The following PML variants were observed in gnomAD, a reference collection of about 807,000 sequenced individuals.
PML encodes protein PML.
PML carries 28 observed loss-of-function variants against 65.2 expected under a neutral mutation model. The observed-to-expected ratio is 0.43, with a 90% confidence interval of 0.32 to 0.59. PML has a LOEUF of 0.59. PML is among the 20% of genes least tolerant of loss of function. PML has a pLI of 0.08. For missense variants in PML, 1,021 were observed against 1,203.4 expected (o/e 0.85, Z 2.24); for synonymous variants, 500 against 508.8 (o/e 0.98, Z 0.23).
rs2071372673 is a variant in PML, at chr15:74,032,613, G to C, written c.1296G>C (p.Leu432=). 1 of 1,614,054 alleles carries C rather than the reference G, an allele frequency of 6.2e-7. No individual in the cohort carries two copies. The highest frequency in any genetic ancestry group is 8.5e-7 in the Non-Finnish European group (1 of 1,179,998). ...AERVKAQVQA[L]GLAEAQPMAV... ...GAGTGAAGGCCCAGGTTCAGGCCCT[G>C]GGGCTGGCTGAAGCCCAGCCTATGG... The change falls in exon 5 of 9, where the codon CTG becomes CTC. Residue 432 remains leucine (L), a synonymous_variant. Coordinates refer to ENST00000268058, the MANE Select transcript of PML (RefSeq NM_033238.3).
In PML at chr15:74,035,445, GCA is replaced by G; in HGVS notation, c.1710+918_1710+919del. On this transcript the variant is annotated intron_variant, in intron 7 of 8. Transcript: ENST00000268058. This position sits in a 1 kb window ranked among gnomAD's most constrained non-coding sequence, Gnocchi z 4.1. ...TGGGATCCGCTACCTGTTGTACAGA[GCA>G]CAGAGAGCCATCCGCCTTCGCCATG... 1 of 1,612,362 alleles carries G rather than the reference GCA, an allele frequency of 6.2e-7. No individual in the cohort carries two copies. Among genetic ancestry groups the G allele is most frequent in the South Asian group, 1.1e-5 (1 of 91,086 alleles).
chr15:74,028,717 A>G (rs1448755606), intron 4 of PML, among the ~76,000 whole-genome samples: 2 of 152,152 alleles, frequency 1.3e-5, no homozygotes, highest in African/African-American at 2.4e-5. Flanking sequence ...ATGATTTTCA[A>G]TACTCTAGGT....
intron 3 of PML, among the ~76,000 whole-genome samples, chr15:74,024,652 C>G (rs918033542): frequency 4.6e-5 from 7 of 152,226 alleles, no homozygotes; most frequent in Non-Finnish European, 1.0e-4. Context: ...CTCCTTTTCC[C>G]TTCTGGCTGG....
At chr15:74,010,186 T>TA (rs2070259719) in intron 2 of PML, among the ~76,000 whole-genome samples, 1 of 39,128 alleles carries the variant, frequency 2.6e-5, no homozygotes, top group African/African-American at 9.9e-5. Context: ...GCCCAGCTAA[T>TA]TTTTTTTTTT....
At chr15:74,013,619 G>A (rs947356498) in intron 2 of PML, among the ~76,000 whole-genome samples, 3 of 151,930 alleles carry the variant, frequency 2.0e-5, no homozygotes, top group Non-Finnish European at 4.4e-5. Context: ...TTCAAATTTG[G>A]CATGACTGAA....
rs140648301 is a variant in PML at position 74,035,608 on chromosome 15, A to C, written c.1710+1078A>C. 4 of 1,613,092 alleles carry C rather than the reference A, an allele frequency of 2.5e-6. No individual in the cohort carries two copies. The highest frequency in any genetic ancestry group is 3.4e-6 in the Non-Finnish European group (4 of 1,180,000). On this transcript the variant is annotated intron_variant, in intron 7 of 8. Coordinates refer to ENST00000268058, the MANE Select transcript of PML (RefSeq NM_033238.3). This position sits in a 1 kb window ranked among gnomAD's most constrained non-coding sequence, Gnocchi z 4.1. ...GCCCAGGAACATCCTGCCCAGCTGC[A>C]AAGGGGCATCAGCCCACCCCACCGG... is the stretch of plus-strand genomic sequence containing the variant.
chr15:74,001,349 AC>A (rs202140655), intron 2 of PML, among the ~76,000 whole-genome samples: 247 of 134,388 alleles, frequency 1.8e-3, no homozygotes, highest in African/African-American at 6.5e-3. Context: ...AATAATAATA[AC>A]TTTTTTTTTT....
At chr15:74,030,329 G>A (rs919284919) in intron 4 of PML, among the ~76,000 whole-genome samples, 4 of 152,144 alleles carry the variant, frequency 2.6e-5, no homozygotes, top group African/African-American at 9.7e-5. Flanking sequence ...AGAGCACGCC[G>A]GGGCAGGAAG....
At chr15:74,009,180 G>A (rs1192329684) in intron 2 of PML, among the ~76,000 whole-genome samples, 2 of 152,188 alleles carry the variant, frequency 1.3e-5, no homozygotes, top group Admixed American at 1.3e-4. Context: ...GTCTGCGTCT[G>A]GGTGTCAGAT....
chr15:74,004,097 C>G (rs1427070778), intron 2 of PML, among the ~76,000 whole-genome samples: 1 of 151,996 alleles, frequency 6.6e-6, no homozygotes, highest in Non-Finnish European at 1.5e-5. Context: ...TGTTAAGGAT[C>G]TTTATTTATT....
rs767593867 is a variant in PML at position 74,044,531 on chromosome 15, C to G, written c.2172C>G (p.Phe724Leu). ...AGCGTGTGCCCGGGGCCAGCAGCTT[C>G]AAACTCAAGAACCTGGCCCAGACCT... is the stretch of plus-strand genomic sequence containing the variant. ...IRERVPGASSFKLKNLAQTYL... is the reference protein window; with the variant it reads ...IRERVPGASSLKLKNLAQTYL... The change falls in exon 9 of 9, where the codon TTC becomes TTG. Residue 724 changes from phenylalanine (F) to leucine (L), a missense_variant. Coordinates refer to ENST00000268058, the MANE Select transcript of PML (RefSeq NM_033238.3). 14 of 1,613,878 alleles carry G rather than the reference C, an allele frequency of 8.7e-6. No individual in the cohort carries two copies. The highest frequency in any genetic ancestry group is 4.4e-5 in the South Asian group (4 of 91,086).
At position 74,044,870 on chromosome 15, in the gene PML, C is replaced by G. The variant is rs774852587; in HGVS notation, c.2511C>G (p.Ala837=). Residue 837 remains alanine, a synonymous_variant, in exon 9 of 9, where the codon GCC becomes GCG. Coordinates refer to ENST00000268058, the MANE Select transcript of PML (RefSeq NM_033238.3). The stretch of plus-strand genomic sequence containing the variant: ...TGCAGACCACCACGTTGCCCCCTGC[C>G]CAGCCTGCTTTCAACCTGCAGGCTC... ...LSLQTTTLPP[A]QPAFNLQALG... is the part of the protein sequence containing the mutation. 11 of 1,613,446 alleles carry G rather than the reference C, an allele frequency of 6.8e-6. No individual in the cohort carries two copies. The highest frequency in any genetic ancestry group is 4.0e-5 in the African/African-American group (3 of 74,954).
chr15:74,045,229 G>C lies in PML; in HGVS notation c.*221G>C. ...CACCCATCACCCTAGGTGTGCACCA[G>C]ACTCCTATTAGCCCCTCCTTCCAGG... On this transcript the variant is annotated 3_prime_UTR_variant, in exon 9 of 9. Coordinates refer to ENST00000268058, the MANE Select transcript of PML (RefSeq NM_033238.3). 1.8e-6 allele frequency: 1 copy of C among 563,594 alleles called. No individual in the cohort carries two copies. The highest frequency in any genetic ancestry group is 2.9e-5 in the East Asian group (1 of 34,210). The allele number at this position is 563,594 out of a possible 1,614,324, so 34.9% of individuals were successfully genotyped here.
At position 74,023,392 on chromosome 15, in the gene PML, C is replaced by T. The variant is rs147563445; in HGVS notation, c.1167C>T (p.Cys389=). ...FKVRLQDLSS[C]ITQGKDAAVS... ...TGCGCCTGCAGGACCTCAGCTCTTGCATCACCCAGGGGAAAGGTAAGCACG... is the reference window on the plus strand; with the variant it reads ...TGCGCCTGCAGGACCTCAGCTCTTGTATCACCCAGGGGAAAGGTAAGCACG... The change falls in exon 3 of 9, where the codon TGC becomes TGT. Residue 389 remains cysteine, a synonymous_variant. Coordinates refer to ENST00000268058, the MANE Select transcript of PML (RefSeq NM_033238.3). 3.1e-6 allele frequency: 5 copies of T among 1,598,684 alleles called. No individual in the cohort carries two copies. In the African/African-American group the frequency reaches 5.3e-5, roughly 17 times the overall value.
intron 2 of PML, among the ~76,000 whole-genome samples, chr15:74,011,647 C>A (rs1436697653): frequency 3.3e-5 from 5 of 152,188 alleles, no homozygotes; most frequent in Admixed American, 3.3e-4. Flanking sequence ...ATGGGCTGTT[C>A]AGGCTGCATG....
chr15:74,037,657 T>C lies in PML; in HGVS notation c.1710+3127T>C, dbSNP rs1411764168. The C allele has an allele frequency of 2.0e-6, 2 of 985,120 alleles. No homozygotes were observed. Among genetic ancestry groups the C allele is most frequent in the Admixed American group, 6.2e-5 (1 of 16,250 alleles). The allele number at this position is 985,120 out of a possible 1,614,324, so 61.0% of individuals were successfully genotyped here. ...CCTCTAGGTGCAGTGTCGCGTTTAG[T>C]CGTTATTATTCTTGACCGGCGCTGG... On this transcript the variant is annotated intron_variant, in intron 7 of 8. Transcript: ENST00000268058. The surrounding 1 kb of genome is among the most constrained non-coding windows in gnomAD (Gnocchi z 4.2).
chr15:74,020,600 G>A (rs1019314510), intron 2 of PML, among the ~76,000 whole-genome samples: 7 of 151,994 alleles, frequency 4.6e-5, no homozygotes, highest in African/African-American at 7.3e-5. Context: ...ATTTTCTTTC[G>A]CTGCTGTAAC....
rs1477042538 is a variant in PML, at chr15:74,023,164, C to A, written c.939C>A (p.Ala313=). The A allele has an allele frequency of 4.4e-6, 7 of 1,605,436 alleles. No homozygotes were observed. Among genetic ancestry groups the A allele is most frequent in the Non-Finnish European group, 5.9e-6 (7 of 1,177,448 alleles). ...ACCAGCGCGACTACGAGGAGATGGC[C>A]AGTCGGCTGGGCCGCCTGGATGCTG... ...ARYQRDYEEM[A]SRLGRLDAVL... is the part of the protein sequence containing the mutation. The change falls in exon 3 of 9, where the codon GCC becomes GCA. Residue 313 remains alanine, a synonymous_variant. Transcript: ENST00000268058.
intron 2 of PML, among the ~76,000 whole-genome samples, chr15:74,002,444 C>CTTTTTTTTT (rs71137368): frequency 1.8e-3 from 184 of 104,692 alleles, no homozygotes; most frequent in African/African-American, 2.2e-3. Context: ...TCTTTCTTTT[C>CTTTTTTTTT]TTTTTTTTTT....
Sources: gnomAD v4.1 joint callset for allele counts (sites outside exome capture counted in the v4.1 genomes callset) on GRCh38, gnomAD v4.1.1 for gene constraint, Gnocchi (gnomAD v3.1) non-coding constraint, MANE v1.5 for transcripts, NCBI Gene and HGNC (gene_info 2026-07-23, HGNC 2026-07-21) for gene names.